Variants in FBXO15 observed in about 807,000 individuals in gnomAD.
FBXO15 encodes the protein F-box protein 15, also known as F-box only protein 15.
Under a neutral mutation model 49.5 loss-of-function variants are expected in FBXO15, and 30 were observed. That is an observed-to-expected ratio of 0.61 (90% CI 0.45 to 0.82). The LOEUF is 0.82. Ranked by LOEUF, FBXO15 falls within the 40% of genes least tolerant of loss-of-function variation. The probability of loss-of-function intolerance (pLI) is 0.00; values close to 1 mark genes in which losing one functional copy is unlikely to be tolerated. For synonymous variants in FBXO15, 250 were observed against 232.7 expected (o/e 1.07, Z -0.68); for missense variants, 591 against 631.5 (o/e 0.94, Z 0.69).
At chr18:74,104,162 C>T (rs1401056205) in intron 8 of FBXO15, among the ~76,000 whole-genome samples, 3 of 152,012 alleles carry the variant, frequency 2.0e-5, no homozygotes, top group African/African-American at 7.2e-5. Context: ...TAATTTTTTT[C>T]TCATTTCTTT....
At chr18:74,080,078 A>T (rs1306127328) in intron 9 of FBXO15, among the ~76,000 whole-genome samples, 1 of 152,178 alleles carries the variant, frequency 6.6e-6, no homozygotes, top group African/African-American at 2.4e-5. Context: ...ACATTTTTTT[A>T]AAAGTCATAT....
At chr18:74,097,765 G>C (rs1381868149) in intron 8 of FBXO15, 1 of 152,312 alleles carries the variant, frequency 6.6e-6, no homozygotes, top group Non-Finnish European at 1.5e-5. Flanking sequence ...TACAGCCGAT[G>C]CTCTCTTAAA....
At chr18:74,104,623 T>C (rs1463403441) in intron 8 of FBXO15, among the ~76,000 whole-genome samples, 1 of 152,126 alleles carries the variant, frequency 6.6e-6, no homozygotes, top group African/African-American at 2.4e-5. Flanking sequence ...AAAGAAAAAG[T>C]GTAGCTGTGC....
intron 5 of FBXO15, 91 bp downstream of exon 5, chr18:74,129,314 G>T (rs184231608): frequency 3.7e-6 from 4 of 1,092,258 alleles, no homozygotes; most frequent in African/African-American, 3.2e-5. Flanking sequence ...ATTAAAAAAC[G>T]CTGCTCTTAT....
chr18:74,115,805 A>G (rs1217233947), intron 8 of FBXO15, among the ~76,000 whole-genome samples: 1 of 152,260 alleles, frequency 6.6e-6, no homozygotes, highest in Non-Finnish European at 1.5e-5. Flanking sequence ...TAAAATATGA[A>G]TAAAGGGTTT....
At chr18:74,083,394 A>T (rs1912588659) in intron 8 of FBXO15, among the ~76,000 whole-genome samples, 1 of 152,204 alleles carries the variant, frequency 6.6e-6, no homozygotes, top group Non-Finnish European at 1.5e-5. Flanking sequence ...GCCTCAGTGG[A>T]GGCACAGTAA....
rs114838897 is a variant in FBXO15, at chr18:74,123,402, T to A, written c.1104A>T (p.Leu368=). ...TGAAGAGATTGCGAAATGTACCACA[T>A]AGGTAGAAAACCCCACCGCTGTGCA... The part of the protein sequence containing the change: ...VDLHSGGVFY[L]CGTFRNLFTK... Residue 368 remains leucine (L), a synonymous_variant, in exon 8 of 10, where the codon CTA becomes CTT. Transcript: ENST00000419743. 1.1e-3 allele frequency: 1,742 copies of A among 1,613,682 alleles called. 33 individuals carry two copies. In the African/African-American group the frequency reaches 0.02, roughly 19 times the overall value.
intron 8 of FBXO15, among the ~76,000 whole-genome samples, chr18:74,104,056 C>T (rs1913639810): frequency 6.6e-6 from 1 of 152,098 alleles, no homozygotes; most frequent in African/African-American, 2.4e-5. Context: ...GCAATAACAG[C>T]TACAGCAACG....
chr18:74,110,651 CTA>C (rs1489187871), intron 8 of FBXO15, among the ~76,000 whole-genome samples: 3 of 151,216 alleles, frequency 2.0e-5, no homozygotes, highest in African/African-American at 7.3e-5. Flanking sequence ...CAAGACCTAA[CTA>C]TATATTGCCT....
intron 8 of FBXO15, among the ~76,000 whole-genome samples, chr18:74,105,718 T>A (rs1913726544): frequency 6.6e-6 from 1 of 152,128 alleles, no homozygotes; most frequent in Admixed American, 6.6e-5. Context: ...AGTGCTGGGA[T>A]TACAGGCATG....
chr18:74,123,154 G>T, intron 8 of FBXO15: 1 of 464,542 alleles, frequency 2.2e-6, no homozygotes, highest in Non-Finnish European at 3.8e-6. Context: ...GGCATTGAGA[G>T]TGATGGTGGT....
At chr18:74,129,836 G>C (rs1045791717) in intron 4 of FBXO15, among the ~76,000 whole-genome samples, 4 of 152,208 alleles carry the variant, frequency 2.6e-5, no homozygotes, top group South Asian at 4.1e-4. Context: ...CCAGGTACTG[G>C]CAATATATAA....
At position 74,147,795 on chromosome 18, in the gene FBXO15, G is replaced by C. The variant is rs1215843094; in HGVS notation, c.-10C>G. The C allele has an allele frequency of 2.6e-6, 4 of 1,527,304 alleles. No individual in the cohort carries two copies. The highest frequency in any genetic ancestry group is 1.4e-5 in the African/African-American group (1 of 71,394). The allele number at this position is 1,527,304 out of a possible 1,614,324, so 94.6% of individuals were successfully genotyped here. The stretch of plus-strand genomic sequence containing the variant: ...CGCGTCCAGTCGCCATAGAGACAAG[G>C]AGTTCACCACAGGACCGCGCCAGGG... On this transcript the variant is annotated 5_prime_UTR_variant, in exon 1 of 10. Transcript: ENST00000419743.
intron 8 of FBXO15, among the ~76,000 whole-genome samples, chr18:74,107,751 C>T (rs553656376): frequency 2.4e-4 from 36 of 152,238 alleles, no homozygotes; most frequent in Middle Eastern, 3.4e-3. Context: ...CAGTGAGTAT[C>T]AGAAAAATAT....
chr18:74,090,163 G>A (rs900324301), intron 8 of FBXO15, among the ~76,000 whole-genome samples: 1 of 152,084 alleles, frequency 6.6e-6, no homozygotes, highest in African/African-American at 2.4e-5. Context: ...TATGCGCCCA[G>A]GAATTTATCC....
chr18:74,142,705 A>T (rs1172713150), intron 1 of FBXO15, among the ~76,000 whole-genome samples: 1 of 152,146 alleles, frequency 6.6e-6, no homozygotes, highest in East Asian at 1.9e-4. Flanking sequence ...ACCCTCCCTC[A>T]TCCAGTATGA....
At chr18:74,104,783 A>C (rs1273530533) in intron 8 of FBXO15, among the ~76,000 whole-genome samples, 1 of 152,166 alleles carries the variant, frequency 6.6e-6, no homozygotes, top group East Asian at 1.9e-4. Flanking sequence ...CAATTATATA[A>C]ATCAAATATT....
chr18:74,143,306 G>A (rs962337052), intron 1 of FBXO15, among the ~76,000 whole-genome samples: 8 of 152,190 alleles, frequency 5.3e-5, no homozygotes, highest in African/African-American at 1.9e-4. Flanking sequence ...GCCTTTCCAA[G>A]AGAACCAAAG....
chr18:74,135,350 C>T (rs940863478), intron 3 of FBXO15, among the ~76,000 whole-genome samples: 1 of 152,194 alleles, frequency 6.6e-6, no homozygotes, highest in African/African-American at 2.4e-5. Context: ...TCTTCCTTCT[C>T]TTTCTTTAGG....
Sources: gnomAD v4.1 joint callset for allele counts (sites outside exome capture counted in the v4.1 genomes callset) on GRCh38, gnomAD v4.1.1 for gene constraint, MANE v1.5 for transcripts, NCBI Gene and HGNC (gene_info 2026-07-23, HGNC 2026-07-21) for gene names.